MON2: variants seen among roughly 807,000 people sequenced by gnomAD.
MON2 encodes MON2 regulator of endosome-to-Golgi trafficking.
In MON2, 84 loss-of-function variants were observed where a neutral mutation model predicts 208.6. The observed-to-expected ratio is 0.40, with a 90% CI of 0.34 to 0.48. MON2 has a LOEUF of 0.48. Ranked by LOEUF, MON2 falls within the 20% of genes least tolerant of loss-of-function variation. The probability of loss-of-function intolerance (pLI) is 0.59; values close to 1 mark genes in which losing one functional copy is unlikely to be tolerated. For synonymous variants in MON2, 660 were observed against 694.0 expected, an observed-to-expected ratio of 0.95 and a Z score of 0.77; for missense variants, 1,611 against 2,015.4, an observed-to-expected ratio of 0.80 and a Z score of 3.84.
chr12:62,474,176 T>G (rs368306539), intron 1 of MON2, among the ~76,000 whole-genome samples: 8 of 151,026 alleles, frequency 5.3e-5, no homozygotes, highest in African/African-American at 1.9e-4. Flanking sequence ...TTAAGTGCAA[T>G]GGTGCGATCT....
At chr12:62,515,841 GT>G (rs2071657827) in intron 8 of MON2, among the ~76,000 whole-genome samples, 1 of 151,910 alleles carries the variant, frequency 6.6e-6, no homozygotes, top group Non-Finnish European at 1.5e-5. Flanking sequence ...GTTCTAGAGA[GT>G]TTTTTACACA....
At chr12:62,491,549 A>G (rs1020677159) in intron 2 of MON2, among the ~76,000 whole-genome samples, 3 of 152,166 alleles carry the variant, frequency 2.0e-5, no homozygotes, top group African/African-American at 7.2e-5. Context: ...AGTGCAAATC[A>G]CTGGGTCCTC....
chr12:62,589,242 G>A (rs1388661491), intron 34 of MON2, among the ~76,000 whole-genome samples: 3 of 152,112 alleles, frequency 2.0e-5, no homozygotes, highest in Non-Finnish European at 4.4e-5. Flanking sequence ...TTTTATACAA[G>A]AAGACATTGG....
intron 34 of MON2, chr12:62,588,971 G>A (rs908189914): frequency 2.4e-5 from 27 of 1,137,770 alleles, no homozygotes; most frequent in East Asian, 8.2e-5. Flanking sequence ...TACTTGTCTC[G>A]AAGCACTCTA....
chr12:62,505,866 G>A (rs959847708), intron 7 of MON2, among the ~76,000 whole-genome samples: 8 of 152,036 alleles, frequency 5.3e-5, no homozygotes, highest in Non-Finnish European at 1.2e-4. Flanking sequence ...ACTCCAGCCC[G>A]GGTGACAGAG....
chr12:62,578,981 A>T (rs1368773114), intron 31 of MON2, among the ~76,000 whole-genome samples: 4 of 152,132 alleles, frequency 2.6e-5, no homozygotes, highest in African/African-American at 4.8e-5. Context: ...CGTACTTGTA[A>T]TCCTAGTGCT....
At chr12:62,566,181 C>T (rs976815250) in intron 28 of MON2, 141 bp from the exon 29 acceptor site, 3 of 1,315,284 alleles carry the variant, frequency 2.3e-6, no homozygotes, top group Non-Finnish European at 3.1e-6. Flanking sequence ...GTACATATCT[C>T]TTTGAAAACT....
rs746423475 is a variant in MON2, at chr12:62,546,960, C to T, written c.2641C>T (p.Arg881Ter). The stretch of plus-strand genomic sequence containing the variant: ...GTCCAATATTAATCATCCAGATATT[C>T]GACTCAAGCAGTTAGAATGCGTGTT... ...EMSNINHPDI[R>*]LKQLECVLQI... The change falls in exon 22 of 35, where the codon CGA (arginine) becomes TGA (stop). Residue 881 changes from arginine (R) to a stop codon, truncating the protein, a stop_gained. Transcript: ENST00000393630. LOFTEE classifies it high-confidence loss of function. 3 of 1,612,718 alleles carry T rather than the reference C, an allele frequency of 1.9e-6. No homozygotes were observed. The highest frequency in any genetic ancestry group is 1.3e-5 in the African/African-American group (1 of 74,794).
chr12:62,515,239 T>G (rs1014282852), intron 8 of MON2, among the ~76,000 whole-genome samples: 3 of 152,242 alleles, frequency 2.0e-5, no homozygotes, highest in African/African-American at 7.2e-5. Context: ...GCAGTTCCAG[T>G]GTTCATTGTC....
intron 2 of MON2, among the ~76,000 whole-genome samples, chr12:62,485,981 C>T (rs939209146): frequency 2.6e-5 from 4 of 152,094 alleles, no homozygotes; most frequent in Non-Finnish European, 5.9e-5. Context: ...GGATTACAGG[C>T]GTGAGCCACT....
chr12:62,536,221 G>T (rs1440570752), intron 14 of MON2, among the ~76,000 whole-genome samples: 2 of 108,658 alleles, frequency 1.8e-5, no homozygotes, highest in Admixed American at 1.7e-4. Context: ...AATGGTGATT[G>T]TTATTTTTTT....
chr12:62,522,128 A>G (rs1291583944), intron 8 of MON2, among the ~76,000 whole-genome samples: 5 of 152,182 alleles, frequency 3.3e-5, no homozygotes, highest in Non-Finnish European at 7.3e-5. Context: ...TGGAGGTTGC[A>G]GTGAGCCAAG....
intron 31 of MON2, among the ~76,000 whole-genome samples, chr12:62,579,437 C>T (rs1237098386): frequency 1.3e-5 from 2 of 151,074 alleles, no homozygotes; most frequent in Non-Finnish European, 2.9e-5. Flanking sequence ...TTAAAATATA[C>T]ATTTGGCCGG....
At chr12:62,483,648 G>A (rs1046535505) in intron 1 of MON2, among the ~76,000 whole-genome samples, 3 of 152,128 alleles carry the variant, frequency 2.0e-5, no homozygotes, top group Admixed American at 6.5e-5. Flanking sequence ...CCAGGGAGGC[G>A]GAGGTTGTAG....
chr12:62,521,089 T>A (rs1194368153), intron 8 of MON2, among the ~76,000 whole-genome samples: 2 of 151,910 alleles, frequency 1.3e-5, no homozygotes, highest in Non-Finnish European at 2.9e-5. Context: ...CACTGCAACC[T>A]CTGCCTCCCA....
chr12:62,550,600 G>A (rs2073696198), intron 23 of MON2, among the ~76,000 whole-genome samples: 1 of 152,118 alleles, frequency 6.6e-6, no homozygotes, highest in African/African-American at 2.4e-5. Context: ...CACCTTCATC[G>A]GTGATCTTAG....
chr12:62,560,204 T>C (rs2074145409), intron 25 of MON2: 1 of 251,492 alleles, frequency 4.0e-6, no homozygotes, highest in Non-Finnish European at 7.6e-6. Context: ...TTTAGTGCAC[T>C]CGTCACCTAC....
At chr12:62,503,468 A>AT (rs1390768789) in intron 7 of MON2, among the ~76,000 whole-genome samples, 1 of 152,180 alleles carries the variant, frequency 6.6e-6, no homozygotes, top group South Asian at 2.1e-4. Flanking sequence ...GCTTGCATAT[A>AT]TGTTAATACT....
At chr12:62,478,295 T>C (rs1027315311) in intron 1 of MON2, among the ~76,000 whole-genome samples, 8 of 152,224 alleles carry the variant, frequency 5.3e-5, no homozygotes, top group African/African-American at 1.9e-4. Flanking sequence ...TTTATTATTC[T>C]TATAGGTAGT....
Sources: allele counts gnomAD v4.1 joint callset (sites outside exome capture counted in the v4.1 genomes callset), GRCh38; gene constraint gnomAD v4.1.1; transcripts MANE v1.5; gene names NCBI Gene and HGNC (gene_info 2026-07-23, HGNC 2026-07-21).